The following DCUN1D4 variants were observed in gnomAD, a reference collection of about 807,000 sequenced individuals.
The protein encoded by DCUN1D4 is DCN1-like protein 4.
Under a neutral mutation model 47.9 loss-of-function variants are expected in DCUN1D4, and 22 were observed. That is an observed-to-expected ratio of 0.46 (90% CI 0.33 to 0.66). DCUN1D4 has a LOEUF of 0.66. Among genes scored for constraint, DCUN1D4 ranks in the 30% least tolerant of loss-of-function variants. DCUN1D4 has a pLI of 0.02. For synonymous variants in DCUN1D4, 121 were observed against 112.2 expected, an observed-to-expected ratio of 1.08 and a Z score of -0.50; for missense variants, 301 against 340.8, an observed-to-expected ratio of 0.88 and a Z score of 0.92.
Position 51,899,241 on chromosome 4 carries a change from C to A in DCUN1D4, c.507-29C>A. 2.6e-6 allele frequency: 4 copies of A among 1,556,990 alleles called. No homozygotes were observed. In the South Asian group the frequency reaches 4.9e-5, roughly 19 times the overall value. Reference sequence around the variant, plus strand: ...AAAAAATAAATAAATGAACTCAGGTCATAATTTGCCTTTATTCTGTTTTTC... The same window carrying A: ...AAAAAATAAATAAATGAACTCAGGTAATAATTTGCCTTTATTCTGTTTTTC... On this transcript the variant is annotated intron_variant, in intron 7 of 10. Coordinates refer to ENST00000334635, the MANE Select transcript of DCUN1D4 (RefSeq NM_001040402.3).
intron 3 of DCUN1D4, among the ~76,000 whole-genome samples, chr4:51,864,821 C>G (rs1725645526): frequency 1.3e-5 from 2 of 152,114 alleles, no homozygotes; most frequent in African/African-American, 4.8e-5. Context: ...CATAGCAGTG[C>G]TTGTTGGGGA....
chr4:51,865,555 C>T, intron 3 of DCUN1D4: 1 of 152,542 alleles, frequency 6.6e-6, no homozygotes. Flanking sequence ...AGAAGGTGAG[C>T]GAAGGAGGGA....
At chr4:51,884,116 AAGT>A (rs1286211224) in intron 5 of DCUN1D4, among the ~76,000 whole-genome samples, 2 of 152,078 alleles carry the variant, frequency 1.3e-5, no homozygotes, top group Non-Finnish European at 2.9e-5. Flanking sequence ...TTGTGTAATG[AAGT>A]AGAACATTTG....
intron 8 of DCUN1D4, among the ~76,000 whole-genome samples, chr4:51,906,260 G>T (rs1732877442): frequency 6.6e-6 from 1 of 152,124 alleles, no homozygotes; most frequent in Admixed American, 6.5e-5. Context: ...GTTTCAGGAA[G>T]CTGTAAGCAG....
chr4:51,903,031 A>G (rs1364039670), intron 8 of DCUN1D4, among the ~76,000 whole-genome samples: 2 of 152,186 alleles, frequency 1.3e-5, no homozygotes, highest in African/African-American at 4.8e-5. Flanking sequence ...TATTTAGGCT[A>G]TAAATGTCGC....
At chr4:51,893,644 A>G (rs763178872) in intron 7 of DCUN1D4, among the ~76,000 whole-genome samples, 1 of 151,556 alleles carries the variant, frequency 6.6e-6, no homozygotes, top group Non-Finnish European at 1.5e-5. Flanking sequence ...CTAGGCTCGA[A>G]CTCCTGACCT....
At chr4:51,864,068 T>A (rs902654589) in intron 3 of DCUN1D4, among the ~76,000 whole-genome samples, 4 of 152,204 alleles carry the variant, frequency 2.6e-5, no homozygotes, top group Non-Finnish European at 4.4e-5. Flanking sequence ...TGATTTAATA[T>A]GGTGTGTGTG....
chr4:51,897,082 C>G (rs1446643819), intron 7 of DCUN1D4, among the ~76,000 whole-genome samples: 1 of 152,190 alleles, frequency 6.6e-6, no homozygotes, highest in East Asian at 1.9e-4. Context: ...TTTCCCACCT[C>G]TCCAAAATAT....
chr4:51,872,402 A>T (rs1727031895), intron 3 of DCUN1D4, among the ~76,000 whole-genome samples: 1 of 152,010 alleles, frequency 6.6e-6, no homozygotes. Context: ...CTCACCTCAC[A>T]TCTCTTGTCT....
rs899365748 is a variant in DCUN1D4 at position 51,914,161 on chromosome 4, A to G, written c.*577A>G. 1 of 152,352 alleles carries G rather than the reference A, an allele frequency of 6.6e-6. No individual in the cohort carries two copies. Among genetic ancestry groups the G allele is most frequent in the African/African-American group, 2.4e-5 (1 of 41,452 alleles). 9.4% of individuals were successfully genotyped at this position (152,352 alleles called of 1,614,324 possible). A position where few individuals can be genotyped will look rare whatever the true frequency, so the allele number is the denominator to read the frequency against. On this transcript the variant is annotated 3_prime_UTR_variant, in exon 11 of 11. Coordinates refer to ENST00000334635, the MANE Select transcript of DCUN1D4 (RefSeq NM_001040402.3). Reference sequence around the variant, plus strand: ...TATTAGTGTTTTAAAATGATGAGTTATAATTATTTGAACATATAGATATGT... The same window carrying G: ...TATTAGTGTTTTAAAATGATGAGTTGTAATTATTTGAACATATAGATATGT...
chr4:51,862,719 C>A (rs1725263685), intron 1 of DCUN1D4, among the ~76,000 whole-genome samples: 1 of 152,038 alleles, frequency 6.6e-6, no homozygotes, highest in Non-Finnish European at 1.5e-5. Context: ...TACTTTACTT[C>A]AAGTTGAGGC....
chr4:51,909,771 G>T (rs1254233315), intron 8 of DCUN1D4, among the ~76,000 whole-genome samples: 1 of 152,178 alleles, frequency 6.6e-6, no homozygotes. Flanking sequence ...ATCTGACCTG[G>T]TCTATTCATG....
intron 1 of DCUN1D4, among the ~76,000 whole-genome samples, chr4:51,859,326 A>G (rs1724648083): frequency 6.6e-6 from 1 of 152,062 alleles, no homozygotes; most frequent in African/African-American, 2.4e-5. Context: ...TTGCCATTAT[A>G]ATTGCGTTCT....
intron 6 of DCUN1D4, 122 bp downstream of exon 6, chr4:51,886,760 T>G (rs1430973433): frequency 5.1e-6 from 4 of 777,450 alleles, no homozygotes; most frequent in Non-Finnish European, 8.4e-6. Flanking sequence ...TGAAGCAGTC[T>G]AAGAAATAAG....
intron 8 of DCUN1D4, among the ~76,000 whole-genome samples, chr4:51,901,412 C>T (rs950670865): frequency 6.6e-6 from 1 of 152,198 alleles, no homozygotes. Flanking sequence ...TGGGTTACTC[C>T]AGACCCTCAC....
intron 9 of DCUN1D4, among the ~76,000 whole-genome samples, chr4:51,911,938 T>C (rs547386666): frequency 6.6e-6 from 1 of 152,230 alleles, no homozygotes; most frequent in East Asian, 1.9e-4. Flanking sequence ...TTTGAGAAAA[T>C]GCTGGGCCGT....
At chr4:51,895,938 T>C (rs1393301622) in intron 7 of DCUN1D4, among the ~76,000 whole-genome samples, 2 of 152,166 alleles carry the variant, frequency 1.3e-5, no homozygotes, top group Non-Finnish European at 2.9e-5. Flanking sequence ...GTGGCTTACA[T>C]GTCCCAAGCC....
upstream of DCUN1D4, among the ~76,000 whole-genome samples, chr4:51,841,251 AT>A: frequency 6.6e-6 from 1 of 152,300 alleles, no homozygotes; most frequent in South Asian, 2.1e-4. Context: ...AAAAAAAAAA[AT>A]CATAAATATT....
At chr4:51,868,165 G>C (rs1726269972) in intron 3 of DCUN1D4, among the ~76,000 whole-genome samples, 1 of 152,232 alleles carries the variant, frequency 6.6e-6, no homozygotes, top group Non-Finnish European at 1.5e-5. Flanking sequence ...TTGAGGCTGT[G>C]GGGGCAGGGG....
Sources: allele counts gnomAD v4.1 joint callset (sites outside exome capture counted in the v4.1 genomes callset), GRCh38; gene constraint gnomAD v4.1.1; transcripts MANE v1.5; gene names NCBI Gene and HGNC (gene_info 2026-07-23, HGNC 2026-07-21).